PLD5: variants seen among roughly 807,000 people sequenced by gnomAD.
The protein encoded by PLD5 is inactive phospholipase D5.
A neutral mutation model predicts 61.1 loss-of-function variants in PLD5; 36 were observed. That is an observed-to-expected ratio of 0.59 (90% CI 0.45 to 0.78). PLD5 has a LOEUF of 0.78. Among genes scored for constraint, PLD5 ranks in the 30% least tolerant of loss-of-function variants. The probability of loss-of-function intolerance (pLI) is 0.00; values close to 1 mark genes in which losing one functional copy is unlikely to be tolerated. For missense variants in PLD5, 515 were observed against 644.4 expected, an observed-to-expected ratio of 0.80 and a Z score of 2.17; for synonymous variants, 243 against 242.8, an observed-to-expected ratio of 1.00 and a Z score of -0.01.
intron 2 of PLD5, among the ~76,000 whole-genome samples, chr1:242,297,424 T>A (rs1235796384): frequency 2.1e-5 from 2 of 93,612 alleles, no homozygotes; most frequent in African/African-American, 4.1e-5. Flanking sequence ...TTTTTTTTTT[T>A]AAGGCAGGGT....
At chr1:242,178,944 A>G (rs1558310904) in intron 5 of PLD5, among the ~76,000 whole-genome samples, 1 of 152,214 alleles carries the variant, frequency 6.6e-6, no homozygotes, top group Non-Finnish European at 1.5e-5. Flanking sequence ...ACTGCAGTGT[A>G]TCCAGAAATT....
intron 1 of PLD5, among the ~76,000 whole-genome samples, chr1:242,518,954 T>G (rs1377227627): frequency 6.6e-6 from 1 of 152,192 alleles, no homozygotes; most frequent in Non-Finnish European, 1.5e-5. Context: ...TCATGAGACA[T>G]CTACACTTTC....
upstream of PLD5, among the ~76,000 whole-genome samples, chr1:242,528,881 A>G (rs1043039891): frequency 2.0e-5 from 3 of 152,248 alleles, no homozygotes; most frequent in Non-Finnish European, 2.9e-5. Flanking sequence ...TCACAGGTGT[A>G]GTGTTGCCAA....
intron 4 of PLD5, among the ~76,000 whole-genome samples, chr1:242,231,494 C>T (rs1340845786): frequency 2.0e-5 from 3 of 152,150 alleles, no homozygotes; most frequent in African/African-American, 7.2e-5. Flanking sequence ...GATTCCACAG[C>T]CCAATCTGCT....
At chr1:242,199,588 G>A (rs151035191) in intron 5 of PLD5, among the ~76,000 whole-genome samples, 165 of 152,212 alleles carry the variant, frequency 1.1e-3, no homozygotes, top group African/African-American at 3.5e-3. Context: ...CTGATTTATT[G>A]CACTGTGGTG....
In PLD5 at chr1:242,124,623, C is replaced by A. The variant is rs1277261225; in HGVS notation, c.778G>T (p.Val260Phe). 7 of 1,613,870 alleles carry A rather than the reference C, an allele frequency of 4.3e-6. No individual in the cohort carries two copies. Among genetic ancestry groups the A allele is most frequent in the Non-Finnish European group, 5.9e-6 (7 of 1,179,906 alleles). ...GVIFYNCSCL[V>F]LDLQRIFALY... ...GCAAATATCCTTTGTAAATCTAGGA[C>A]CAGGCAGCTGCAGTTGTAGAAGATG... The change falls in exon 6 of 10, where the codon GTC (valine) becomes TTC (phenylalanine). Residue 260 changes from valine to phenylalanine, a missense_variant. Physicochemically the swap from Val to Phe is conservative, Grantham distance 50 (BLOSUM62 -1). Coordinates refer to ENST00000536534, the MANE Select transcript of PLD5 (RefSeq NM_001372062.1).
At chr1:242,220,184 A>ATGAATATTTCCACTGGTAG in intron 4 of PLD5, 69 bp from the exon 5 acceptor site, 1 of 1,564,424 alleles carries the variant, frequency 6.4e-7, no homozygotes, top group East Asian at 2.3e-5. Flanking sequence ...GTCACCTACC[A>ATGAATATTTCCACTGGTAG]GTGGAAATAT....
chr1:242,274,415 G>A (rs2841925), intron 3 of PLD5, among the ~76,000 whole-genome samples: 2 of 152,174 alleles, frequency 1.3e-5, no homozygotes, highest in East Asian at 3.9e-4. Context: ...AAGTCCTAAA[G>A]CCCAGTAAAA....
At chr1:242,354,739 C>T (rs1360038632) in intron 1 of PLD5, among the ~76,000 whole-genome samples, 3 of 151,606 alleles carry the variant, frequency 2.0e-5, no homozygotes, top group Non-Finnish European at 4.4e-5. Context: ...AATTTTTCAC[C>T]ATTGAGTATA....
chr1:242,199,977 C>T (rs1486351942), intron 5 of PLD5, among the ~76,000 whole-genome samples: 4 of 152,178 alleles, frequency 2.6e-5, no homozygotes, highest in Non-Finnish European at 4.4e-5. Context: ...TGCTTGAGTG[C>T]TGCCTTAGAG....
At chr1:242,418,635 A>T (rs934982201) in intron 1 of PLD5, among the ~76,000 whole-genome samples, 8 of 152,206 alleles carry the variant, frequency 5.3e-5, no homozygotes. Context: ...GACCTAGTGT[A>T]TCAGTTCAAA....
At chr1:242,155,363 G>A (rs1227813325) in intron 5 of PLD5, among the ~76,000 whole-genome samples, 2 of 151,998 alleles carry the variant, frequency 1.3e-5, no homozygotes, top group Non-Finnish European at 2.9e-5. Context: ...GTTCTGCTTT[G>A]ATCATAGTTA....
chr1:242,152,680 T>G (rs1246622687), intron 5 of PLD5, among the ~76,000 whole-genome samples: 1 of 152,170 alleles, frequency 6.6e-6, no homozygotes, highest in African/African-American at 2.4e-5. Flanking sequence ...GCAAAGGACA[T>G]GAACTCATCC....
chr1:242,167,693 CA>C lies in PLD5; in HGVS notation c.736-43029del, dbSNP rs201870502. 7.2e-3 allele frequency among the ~76,000 whole-genome samples: 1,093 copies of C among 152,308 alleles called. 6 individuals are homozygous for C. The Middle Eastern group carries it at 0.082, about 11-fold the overall frequency. On this transcript the variant is annotated intron_variant, in intron 5 of 9. Coordinates refer to ENST00000536534, the MANE Select transcript of PLD5 (RefSeq NM_001372062.1). ...GTATCAGGCTTTCATCCCCATTTTA[CA>C]GAAGAGGCAATAAGGCACAGAGAGG... is the stretch of plus-strand genomic sequence containing the variant.
intron 1 of PLD5, among the ~76,000 whole-genome samples, chr1:242,390,613 C>T (rs1302035296): frequency 6.6e-6 from 1 of 152,128 alleles, no homozygotes; most frequent in Non-Finnish European, 1.5e-5. Flanking sequence ...GATGTGTGCA[C>T]AGCTGAGGGC....
intron 2 of PLD5, among the ~76,000 whole-genome samples, chr1:242,342,062 G>C (rs1238193415): frequency 6.6e-6 from 1 of 152,150 alleles, no homozygotes; most frequent in Non-Finnish European, 1.5e-5. Flanking sequence ...GCCCACCCAA[G>C]ACAGTATGTT....
At chr1:242,445,623 T>C (rs933350956) in intron 1 of PLD5, among the ~76,000 whole-genome samples, 6 of 152,192 alleles carry the variant, frequency 3.9e-5, no homozygotes, top group African/African-American at 1.2e-4. Context: ...ATTACAGGCA[T>C]GAGCCACCGC....
chr1:242,142,380 G>A (rs930854963), intron 5 of PLD5, among the ~76,000 whole-genome samples: 8 of 152,186 alleles, frequency 5.3e-5, no homozygotes, highest in Non-Finnish European at 8.8e-5. Context: ...TTCTCAAATA[G>A]TCTACATAGA....
At chr1:242,152,460 C>A (rs1665004368) in intron 5 of PLD5, among the ~76,000 whole-genome samples, 1 of 152,034 alleles carries the variant, frequency 6.6e-6, no homozygotes, top group Admixed American at 6.6e-5. Flanking sequence ...CACCCATCAA[C>A]CTGACACCTA....
Sources: gnomAD v4.1 joint callset for allele counts (sites outside exome capture counted in the v4.1 genomes callset) on GRCh38, gnomAD v4.1.1 for gene constraint, MANE v1.5 for transcripts, NCBI Gene and HGNC (gene_info 2026-07-23, HGNC 2026-07-21) for gene names.